The following DPP8 variants were observed in gnomAD, a reference collection of about 807,000 sequenced individuals.
DPP8 encodes DPP VIII.
In DPP8, 31 loss-of-function variants were observed where a neutral mutation model predicts 107.5. The ratio of observed to expected loss-of-function variants is 0.29; its 90% CI spans 0.22 to 0.39. DPP8 has a LOEUF of 0.39. Ranked by LOEUF, DPP8 falls within the 10% of genes least tolerant of loss-of-function variation. The pLI is 1.00. For synonymous variants in DPP8, 381 were observed against 356.6 expected, an observed-to-expected ratio of 1.07 and a Z score of -0.77; for missense variants, 842 against 1,076.1, an observed-to-expected ratio of 0.78 and a Z score of 3.04.
rs567308566 is a variant in DPP8, at chr15:65,502,404, G to A, written c.373-1625C>T. On this transcript the variant is annotated intron_variant, in intron 3 of 19. Transcript: ENST00000300141. ...TCTCAAAGAAAGTTTGTGGCTGGGC[G>A]TGGTGGCTCATGCCTGTAATCCCAG... Among the ~76,000 whole-genome samples, 10 of 152,046 alleles carry A rather than the reference G, an allele frequency of 6.6e-5. No individual in the cohort carries two copies. The South Asian group carries it at 1.5e-3, about 22-fold the overall frequency.
chr15:65,479,077 G>GTAGTATTTTCAT, intron 10 of DPP8, 38 bp from the exon 11 acceptor site: 1 of 1,385,262 alleles, frequency 7.2e-7, no homozygotes, highest in Non-Finnish European at 9.8e-7. Context: ...TACATATTAT[G>GTAGTATTTTCAT]AAAATACTAC....
At chr15:65,507,211 C>A in intron 3 of DPP8, 32 bp downstream of exon 3, 1 of 1,325,872 alleles carries the variant, frequency 7.5e-7, no homozygotes, top group Non-Finnish European at 1.1e-6. Flanking sequence ...ATACATACAC[C>A]AAATCATAGG....
At chr15:65,468,161 T>C (rs2065524758) in intron 12 of DPP8, among the ~76,000 whole-genome samples, 1 of 152,182 alleles carries the variant, frequency 6.6e-6, no homozygotes, top group African/African-American at 2.4e-5. Context: ...GGCTTTCTTT[T>C]ATTGTTCCTA....
At chr15:65,465,115 G>A (rs2065228874) in intron 14 of DPP8, among the ~76,000 whole-genome samples, 1 of 151,044 alleles carries the variant, frequency 6.6e-6, no homozygotes, top group Non-Finnish European at 1.5e-5. Context: ...GATTCTGCTT[G>A]TGGACATTAA....
chr15:65,495,463 G>T (rs1299326714), intron 5 of DPP8, among the ~76,000 whole-genome samples: 1 of 151,958 alleles, frequency 6.6e-6, no homozygotes, highest in African/African-American at 2.4e-5. Flanking sequence ...AATTAACCAG[G>T]TGTGGTGGTG....
intron 2 of DPP8, among the ~76,000 whole-genome samples, chr15:65,508,712 C>A (rs950005450): frequency 1.3e-5 from 2 of 151,938 alleles, no homozygotes; most frequent in African/African-American, 4.8e-5. Context: ...ATTAGCCAGG[C>A]GTGGTGGCAC....
In DPP8 at chr15:65,474,104, C is replaced by G. The variant is rs1054185212; in HGVS notation, c.1536+105G>C. On this transcript the variant is annotated intron_variant, in intron 12 of 19. Coordinates refer to ENST00000300141, the MANE Select transcript of DPP8 (RefSeq NM_130434.5). ...TAGGCGACAGAGCAAGACTCTGTCT[C>G]GGAAAAAAAAATACCGGGGTCATAT... 15 of 860,708 alleles carry G rather than the reference C, an allele frequency of 1.7e-5. No homozygotes were observed. In the East Asian group the frequency reaches 3.4e-4, roughly 20 times the overall value. 53.3% of individuals were successfully genotyped at this position (860,708 alleles called of 1,614,324 possible).
At chr15:65,470,343 C>T (rs1291970372) in intron 12 of DPP8, among the ~76,000 whole-genome samples, 7 of 151,164 alleles carry the variant, frequency 4.6e-5, no homozygotes, top group Admixed American at 2.0e-4. Flanking sequence ...TGGTGGCTCA[C>T]GCCTGTAATC....
At chr15:65,475,607 G>T in intron 11 of DPP8, 1 of 1,026,460 alleles carries the variant, frequency 9.7e-7, no homozygotes, top group Non-Finnish European at 1.5e-6. Flanking sequence ...AGCCATATCA[G>T]CTATTTCAAC....
At chr15:65,508,586 C>G (rs2070364163) in intron 2 of DPP8, among the ~76,000 whole-genome samples, 1 of 152,140 alleles carries the variant, frequency 6.6e-6, no homozygotes, top group South Asian at 2.1e-4. Flanking sequence ...GCCGAGGTGG[C>G]TCACACCTGT....
chr15:65,464,629 G>A (rs1255977329), intron 14 of DPP8, among the ~76,000 whole-genome samples: 1 of 152,086 alleles, frequency 6.6e-6, no homozygotes, highest in Admixed American at 6.6e-5. Context: ...GCTACATTGA[G>A]CTGTGCCCTG....
intron 14 of DPP8, among the ~76,000 whole-genome samples, chr15:65,465,616 C>T (rs1418321005): frequency 1.4e-5 from 2 of 142,704 alleles, no homozygotes; most frequent in African/African-American, 2.7e-5. Flanking sequence ...AGAGCAGTGG[C>T]ACAATCTTGG....
intron 15 of DPP8, among the ~76,000 whole-genome samples, chr15:65,461,956 T>C (rs1274756034): frequency 1.3e-5 from 2 of 151,002 alleles, no homozygotes; most frequent in Non-Finnish European, 2.9e-5. Context: ...TAACCAGAAG[T>C]CTAAAATTTA....
At chr15:65,500,873 CTTTT>C (rs781459910) in intron 3 of DPP8, 94 bp from the exon 4 acceptor site, 1,460 of 327,402 alleles carry the variant, frequency 4.5e-3, no homozygotes, top group Middle Eastern at 7.3e-3. Context: ...ATTATTGACT[CTTTT>C]TTTTTTTTTT....
chr15:65,462,068 G>A (rs989608246), intron 15 of DPP8, among the ~76,000 whole-genome samples: 2 of 151,904 alleles, frequency 1.3e-5, no homozygotes, highest in African/African-American at 2.4e-5. Context: ...TCCCAGGTTC[G>A]AGCAATTCTC....
Position 65,497,862 on chromosome 15 carries a change from A to G in DPP8, c.715+2T>C. The G allele has an allele frequency of 6.7e-7, 1 of 1,482,792 alleles. No individual in the cohort carries two copies. The highest frequency in any genetic ancestry group is 9.1e-7 in the Non-Finnish European group (1 of 1,102,978). The allele number at this position is 1,482,792 out of a possible 1,614,324, so 91.9% of individuals were successfully genotyped here. On this transcript the variant is annotated splice_donor_variant, in intron 5 of 19. Coordinates refer to ENST00000300141, the MANE Select transcript of DPP8 (RefSeq NM_130434.5). LOFTEE classifies it high-confidence loss of function. ...AAGTAAATCTGAAGAACTACGCCTT[A>G]CCATTGTGCACATAAGTGAGTCTCC...
intron 6 of DPP8, among the ~76,000 whole-genome samples, chr15:65,488,699 GA>G (rs2067693037): frequency 6.7e-6 from 1 of 150,324 alleles, no homozygotes; most frequent in Non-Finnish European, 1.5e-5. Context: ...ATTGCTTCTT[GA>G]AATTCGTTTT....
intron 11 of DPP8, 36 bp downstream of exon 11, chr15:65,478,844 A>C (rs898906816): frequency 6.7e-7 from 1 of 1,495,462 alleles, no homozygotes; most frequent in Non-Finnish European, 9.1e-7. Context: ...TGCTTCCAAC[A>C]TTTTTTCTTT....
chr15:65,491,338 A>T (rs2068012535), intron 5 of DPP8, among the ~76,000 whole-genome samples: 1 of 152,172 alleles, frequency 6.6e-6, no homozygotes, highest in Non-Finnish European at 1.5e-5. Flanking sequence ...TGAGATTTTG[A>T]GTAGGATTTA....
Sources: allele counts gnomAD v4.1 joint callset (sites outside exome capture counted in the v4.1 genomes callset), GRCh38; gene constraint gnomAD v4.1.1; transcripts MANE v1.5; gene names NCBI Gene and HGNC (gene_info 2026-07-23, HGNC 2026-07-21).